The following DNAH8 variants were observed in gnomAD, a reference collection of about 807,000 sequenced individuals.
The protein encoded by DNAH8 is dynein axonemal heavy chain 8, also known as axonemal beta dynein heavy chain 8.
In DNAH8, 382 loss-of-function variants were observed where a neutral mutation model predicts 562.1. The ratio of observed to expected loss-of-function variants is 0.68; its 90% CI spans 0.63 to 0.74. The LOEUF (loss-of-function observed/expected upper bound fraction) is 0.74, where lower values mean the gene tolerates loss of function less well. DNAH8 is among the 30% of genes least tolerant of loss of function. DNAH8 has a pLI of 0.00. For missense variants in DNAH8, 5,203 were observed against 5,620.4 expected (o/e 0.93, Z 2.37); for synonymous variants, 1,881 against 1,919.4 (o/e 0.98, Z 0.52).
At chr6:38,959,655 C>T (rs1370486922) in intron 82 of DNAH8, among the ~76,000 whole-genome samples, 1 of 151,994 alleles carries the variant, frequency 6.6e-6, no homozygotes, top group African/African-American at 2.4e-5. Flanking sequence ...GTGTTAATGA[C>T]TTGAAAGAAT....
Position 38,806,997 on chromosome 6 carries a change from C to T in DNAH8, c.3151-613C>T, listed in dbSNP as rs113226257. 3.9e-3 allele frequency among the ~76,000 whole-genome samples: 588 copies of T among 152,144 alleles called. 9 individuals are homozygous for T. The highest frequency in any genetic ancestry group is 0.014 in the African/African-American group (569 of 41,506). On this transcript the variant is annotated intron_variant, in intron 23 of 92. Coordinates refer to ENST00000327475, the MANE Select transcript of DNAH8 (RefSeq NM_001206927.2). Reference sequence around the variant, plus strand: ...GAACAGTATGGCCAGAGCCTTGCCCCGATGTATGACTCATTGTGTAAGCAA... The same window carrying T: ...GAACAGTATGGCCAGAGCCTTGCCCTGATGTATGACTCATTGTGTAAGCAA...
chr6:38,757,343 C>T (rs1766018078), intron 10 of DNAH8, among the ~76,000 whole-genome samples: 1 of 151,974 alleles, frequency 6.6e-6, no homozygotes, highest in Admixed American at 6.5e-5. Context: ...CTGTTCATAT[C>T]CTTTGCCCAC....
chr6:38,991,592 G>A (rs565157312), intron 88 of DNAH8, among the ~76,000 whole-genome samples: 3 of 152,150 alleles, frequency 2.0e-5, no homozygotes, highest in Non-Finnish European at 4.4e-5. Flanking sequence ...AAGACCGACA[G>A]TGACCTACAT....
chr6:38,752,249 C>T (rs1283449021), intron 9 of DNAH8, among the ~76,000 whole-genome samples: 1 of 151,982 alleles, frequency 6.6e-6, no homozygotes, highest in Non-Finnish European at 1.5e-5. Context: ...CTGCAACCTC[C>T]GCCTCCCGGG....
intron 14 of DNAH8, among the ~76,000 whole-genome samples, chr6:38,779,023 G>A (rs1020149361): frequency 6.6e-6 from 1 of 152,254 alleles, no homozygotes; most frequent in Middle Eastern, 3.4e-3. Flanking sequence ...GGTATGAACA[G>A]CTGAAATCTT....
At chr6:38,859,983 T>C (rs973759783) in intron 42 of DNAH8, among the ~76,000 whole-genome samples, 3 of 152,194 alleles carry the variant, frequency 2.0e-5, no homozygotes, top group African/African-American at 7.2e-5. Context: ...TTCAATTCCT[T>C]GAAGATGCCA....
chr6:38,734,327 C>A (rs1562585228), intron 4 of DNAH8, 147 bp from the exon 5 acceptor site: 2 of 162,734 alleles, frequency 1.2e-5, no homozygotes, highest in South Asian at 5.4e-5. Flanking sequence ...TTCTAGTAGA[C>A]CCCCCCCCAA....
At chr6:38,998,618 C>G (rs1765292677) in intron 88 of DNAH8, among the ~76,000 whole-genome samples, 1 of 152,138 alleles carries the variant, frequency 6.6e-6, no homozygotes, top group Non-Finnish European at 1.5e-5. Context: ...GTATGTAAAT[C>G]TAGACTGATT....
intron 13 of DNAH8, among the ~76,000 whole-genome samples, chr6:38,778,136 TAA>T: frequency 6.6e-6 from 1 of 152,362 alleles, no homozygotes; most frequent in East Asian, 1.9e-4. Context: ...TTTTTTGTAC[TAA>T]GTCTTTGAAA....
At chr6:38,834,259 G>T (rs1774091984) in intron 31 of DNAH8, among the ~76,000 whole-genome samples, 1 of 152,096 alleles carries the variant, frequency 6.6e-6, no homozygotes, top group Admixed American at 6.6e-5. Flanking sequence ...TTTTTTATTA[G>T]CTCTGTCAAG....
intron 57 of DNAH8, 108 bp downstream of exon 57, chr6:38,887,112 G>A: frequency 2.7e-6 from 2 of 732,986 alleles, no homozygotes; most frequent in Non-Finnish European, 4.6e-6. Context: ...GGTTAGGTAT[G>A]TGAAATGGAG....
intron 85 of DNAH8, among the ~76,000 whole-genome samples, chr6:38,981,915 C>T (rs1764062500): frequency 1.3e-5 from 2 of 152,194 alleles, no homozygotes; most frequent in African/African-American, 2.4e-5. Flanking sequence ...ATTGCATATA[C>T]GGTGGTGGTC....
intron 39 of DNAH8, 43 bp downstream of exon 39, chr6:38,851,717 C>A: frequency 8.2e-7 from 1 of 1,213,670 alleles, no homozygotes; most frequent in Non-Finnish European, 1.2e-6. Flanking sequence ...TTTCCCACGA[C>A]ATACACAATG....
intron 26 of DNAH8, among the ~76,000 whole-genome samples, chr6:38,815,979 T>G (rs979172609): frequency 1.8e-4 from 27 of 152,156 alleles, no homozygotes; most frequent in African/African-American, 6.5e-4. Flanking sequence ...TATGATATGA[T>G]AGTGACCCAA....
intron 82 of DNAH8, among the ~76,000 whole-genome samples, chr6:38,967,150 C>T (rs1252841816): frequency 6.6e-6 from 1 of 152,036 alleles, no homozygotes; most frequent in Non-Finnish European, 1.5e-5. Context: ...ATAAAAGGCA[C>T]CTACAAAAAA....
intron 21 of DNAH8, among the ~76,000 whole-genome samples, chr6:38,792,752 T>A (rs947066618): frequency 3.3e-5 from 5 of 152,176 alleles, no homozygotes; most frequent in African/African-American, 1.2e-4. Flanking sequence ...CTCTTATAAA[T>A]TCAAGACATA....
At chr6:38,913,424 T>C (rs1781057757) in intron 66 of DNAH8, among the ~76,000 whole-genome samples, 1 of 152,238 alleles carries the variant, frequency 6.6e-6, no homozygotes, top group Non-Finnish European at 1.5e-5. Context: ...TTTTCATTTT[T>C]ATAACAAAGA....
chr6:38,875,588 C>T lies in DNAH8; in HGVS notation c.7621-3C>T. 2 of 1,461,006 alleles carry T rather than the reference C, an allele frequency of 1.4e-6. No individual in the cohort carries two copies. Among genetic ancestry groups the T allele is most frequent in the East Asian group, 2.4e-5 (1 of 41,036 alleles). The allele number at this position is 1,461,006 out of a possible 1,614,324, so 90.5% of individuals were successfully genotyped here. On this transcript the variant is annotated splice_polypyrimidine_tract_variant and splice_region_variant and intron_variant, in intron 52 of 92. Transcript: ENST00000327475. ...AAATTTATTTTATTTGAAACATTTT[C>T]AGTCTCTCAATCTTCTGGAAGGGTT...
intron 26 of DNAH8, among the ~76,000 whole-genome samples, chr6:38,817,502 G>A (rs1464973701): frequency 6.6e-6 from 1 of 152,148 alleles, no homozygotes; most frequent in Non-Finnish European, 1.5e-5. Flanking sequence ...AATAAAGGAT[G>A]AAAAATCTCA....
Sources: gnomAD v4.1 joint callset for allele counts (sites outside exome capture counted in the v4.1 genomes callset) on GRCh38, gnomAD v4.1.1 for gene constraint, MANE v1.5 for transcripts, NCBI Gene and HGNC (gene_info 2026-07-23, HGNC 2026-07-21) for gene names.